The following RAB10 variants were observed in gnomAD, a reference collection of about 807,000 sequenced individuals.
RAB10 encodes RAB10, member RAS oncogene family, also known as ras-related protein Rab-10.
RAB10 carries 5 observed loss-of-function variants against 25.7 expected under a neutral mutation model. The ratio of observed to expected loss-of-function variants is 0.19; its 90% confidence interval spans 0.10 to 0.41. The LOEUF (loss-of-function observed/expected upper bound fraction) is 0.41. Ranked by LOEUF, RAB10 falls within the 10% of genes least tolerant of loss-of-function variation. The pLI, the probability that RAB10 is intolerant of heterozygous loss-of-function variation, is 1.00. For synonymous variants in RAB10, 89 were observed against 86.4 expected (o/e 1.03, Z -0.16); for missense variants, 103 against 245.8 (o/e 0.42, Z 3.89).
At position 26,085,255 on chromosome 2, in the gene RAB10, G is replaced by T. The variant is rs192903732; in HGVS notation, c.128-13407G>T. Among the ~76,000 whole-genome samples, 452 of 152,236 alleles carry T rather than the reference G, an allele frequency of 3.0e-3. 4 individuals are homozygous for T. The highest frequency in any genetic ancestry group is 5.1e-3 in the Non-Finnish European group (349 of 68,004). On this transcript the variant is annotated intron_variant, in intron 1 of 5. Transcript: ENST00000264710. Reference sequence around the variant, plus strand: ...TGTAATCCCAGCACTTTGGGAGGCAGAGGCGGGTGGATCACTTGAGGGCAG... The same window carrying T: ...TGTAATCCCAGCACTTTGGGAGGCATAGGCGGGTGGATCACTTGAGGGCAG...
At chr2:26,108,718 A>C (rs1421517683) in intron 2 of RAB10, among the ~76,000 whole-genome samples, 1 of 152,042 alleles carries the variant, frequency 6.6e-6, no homozygotes, top group Non-Finnish European at 1.5e-5. Flanking sequence ...TGTTATCATT[A>C]GGAAAAGCTG....
chr2:26,099,486 G>A (rs1667295853), intron 2 of RAB10, among the ~76,000 whole-genome samples: 1 of 150,626 alleles, frequency 6.6e-6, no homozygotes, highest in South Asian at 2.1e-4. Context: ...TCCCCAGGCA[G>A]CCACTGTGCT....
intron 2 of RAB10, 39 bp from the exon 3 acceptor site, chr2:26,109,729 T>C (rs773074655): frequency 4.7e-6 from 7 of 1,502,732 alleles, no homozygotes; most frequent in Middle Eastern, 1.8e-4. Context: ...TGTAGTAATA[T>C]CAAAATGCTT....
At chr2:26,083,419 T>C (rs6546749) in intron 1 of RAB10, among the ~76,000 whole-genome samples, 100,572 of 119,874 alleles carry the variant, frequency 0.84, 42,231 homozygotes, top group African/African-American at 0.96. Context: ...CCCCCTCAGC[T>C]TTCCCCTCTT....
intron 1 of RAB10, among the ~76,000 whole-genome samples, chr2:26,047,201 T>C (rs1666029500): frequency 6.6e-6 from 1 of 152,206 alleles, no homozygotes; most frequent in South Asian, 2.1e-4. Flanking sequence ...CTTCATGTTC[T>C]TTTGTAATTA....
At chr2:26,069,749 C>T (rs966842414) in intron 1 of RAB10, among the ~76,000 whole-genome samples, 3 of 151,562 alleles carry the variant, frequency 2.0e-5, no homozygotes, top group African/African-American at 4.8e-5. Flanking sequence ...TCTGTTGCCC[C>T]GGCTGGAGAG....
chr2:26,117,629 A>AC lies in RAB10; in HGVS notation c.327+7723_327+7724insC, dbSNP rs1462361711. ...AGCGAGACTCCGTCTCAAAAAAAAA[A>AC]AAAAAACAAAAAAAACAAAAGAGTT... On this transcript the variant is annotated intron_variant, in intron 3 of 5. Transcript: ENST00000264710. 2.4e-3 allele frequency among the ~76,000 whole-genome samples: 343 copies of AC among 141,150 alleles called. 10 individuals are homozygous for AC. The highest frequency in any genetic ancestry group is 8.6e-3 in the African/African-American group (316 of 36,768). 92.6% of individuals were successfully genotyped at this position (141,150 alleles called of 152,430 possible). A position where few individuals can be genotyped will look rare whatever the true frequency, so the allele number is the denominator to read the frequency against.
rs1014471055 is a variant in RAB10 at position 26,136,385 on chromosome 2, T to C, written c.*1364T>C. 2.0e-5 allele frequency: 3 copies of C among 152,640 alleles called. No homozygotes were observed. The highest frequency in any genetic ancestry group is 4.4e-5 in the Non-Finnish European group (3 of 68,046). The allele number at this position is 152,640 out of a possible 1,614,324, so 9.5% of individuals were successfully genotyped here. A position where few individuals can be genotyped will look rare whatever the true frequency, so the allele number is the denominator to read the frequency against. ...TTTACCTTAAGATTCAGAAATACTT[T>C]AGAATATTATTAATTTTAAGTCCTG... On this transcript the variant is annotated 3_prime_UTR_variant, in exon 6 of 6. Transcript: ENST00000264710.
At chr2:26,058,387 T>G (rs1158244035) in intron 1 of RAB10, among the ~76,000 whole-genome samples, 1 of 152,204 alleles carries the variant, frequency 6.6e-6, no homozygotes, top group Non-Finnish European at 1.5e-5. Context: ...AAAGAACATG[T>G]AAGGCTCCGT....
intron 1 of RAB10, among the ~76,000 whole-genome samples, chr2:26,083,631 T>C (rs1666917892): frequency 6.6e-6 from 1 of 152,082 alleles, no homozygotes. Flanking sequence ...ACCCGGTTAA[T>C]TTTTTGTATG....
chr2:26,113,027 G>A (rs1395406803), intron 3 of RAB10, among the ~76,000 whole-genome samples: 1 of 152,126 alleles, frequency 6.6e-6, no homozygotes, highest in Non-Finnish European at 1.5e-5. Context: ...GGAGGTTGCA[G>A]TGAGCCAAGA....
rs561322190 is a variant in RAB10 at position 26,098,585 on chromosome 2, C to T, written c.128-77C>T. 1.9e-5 allele frequency: 20 copies of T among 1,051,400 alleles called. No homozygotes were observed. In the East Asian group the frequency reaches 3.9e-4, roughly 20 times the overall value. 65.1% of individuals were successfully genotyped at this position (1,051,400 alleles called of 1,614,324 possible). ...CACAGACAAGTTTAAAAGGTGTGAG[C>T]GTTTTTACTGTGATTAATTTTAGTA... On this transcript the variant is annotated intron_variant, in intron 1 of 5. Coordinates refer to ENST00000264710, the MANE Select transcript of RAB10 (RefSeq NM_016131.5).
At chr2:26,043,986 G>A (rs1665943609) in intron 1 of RAB10, among the ~76,000 whole-genome samples, 1 of 152,156 alleles carries the variant, frequency 6.6e-6, no homozygotes, top group Admixed American at 6.6e-5. Context: ...ACCAGGGGCT[G>A]GGGAAGAGGG....
intron 1 of RAB10, among the ~76,000 whole-genome samples, chr2:26,043,388 A>G (rs1303417211): frequency 1.3e-5 from 2 of 152,144 alleles, no homozygotes; most frequent in Non-Finnish European, 2.9e-5. Context: ...ATGCCACTGT[A>G]CTCCAGCCTG....
At chr2:26,051,886 G>A (rs1388047863) in intron 1 of RAB10, among the ~76,000 whole-genome samples, 4 of 151,268 alleles carry the variant, frequency 2.6e-5, no homozygotes, top group Admixed American at 6.6e-5. Context: ...GTGAAACCCC[G>A]TCTCTACTAA....
chr2:26,129,227 G>A (rs1050385121), intron 5 of RAB10, among the ~76,000 whole-genome samples: 8 of 142,128 alleles, frequency 5.6e-5, no homozygotes, highest in African/African-American at 1.1e-4. Flanking sequence ...CCGAGATCAC[G>A]CCACTGCATG....
intron 5 of RAB10, among the ~76,000 whole-genome samples, chr2:26,130,552 T>C (rs1667992153): frequency 6.6e-6 from 1 of 152,042 alleles, no homozygotes; most frequent in African/African-American, 2.4e-5. Flanking sequence ...CAAGCCATCC[T>C]CCTGCTTCAG....
intron 1 of RAB10, among the ~76,000 whole-genome samples, chr2:26,088,702 C>T (rs1248250281): frequency 6.6e-6 from 1 of 152,146 alleles, no homozygotes; most frequent in Non-Finnish European, 1.5e-5. Flanking sequence ...CAACCTCCCC[C>T]TCCCCGGTTC....
intron 3 of RAB10, among the ~76,000 whole-genome samples, chr2:26,117,547 G>A (rs1436199545): frequency 1.3e-5 from 2 of 151,372 alleles, no homozygotes; most frequent in African/African-American, 2.4e-5. Flanking sequence ...CCCAGGAGGC[G>A]GAGCTTGCAG....
Sources: gnomAD v4.1 joint callset for allele counts (sites outside exome capture counted in the v4.1 genomes callset) on GRCh38, gnomAD v4.1.1 for gene constraint, MANE v1.5 for transcripts, NCBI Gene and HGNC (gene_info 2026-07-23, HGNC 2026-07-21) for gene names.